TMEM115: variants seen among roughly 807,000 people sequenced by gnomAD.
The protein encoded by TMEM115 is PP6.
TMEM115 carries 8 observed loss-of-function variants against 20.1 expected under a neutral mutation model. That is an observed-to-expected ratio of 0.40 (90% confidence interval 0.23 to 0.72). The LOEUF (loss-of-function observed/expected upper bound fraction) is 0.72. Ranked by LOEUF, TMEM115 falls within the 30% of genes least tolerant of loss-of-function variation. The probability of loss-of-function intolerance (pLI) is 0.39; values close to 1 mark genes in which losing one functional copy is unlikely to be tolerated. For missense variants in TMEM115, 374 were observed against 455.1 expected (o/e 0.82, Z 1.62); for synonymous variants, 229 against 206.2 (o/e 1.11, Z -0.95).
At position 50,356,328 on chromosome 3, in the gene TMEM115, G is replaced by A. The variant is rs368389393; in HGVS notation, c.852-781C>T. 2.0e-5 allele frequency among the ~76,000 whole-genome samples: 3 copies of A among 149,264 alleles called. No individual in the cohort carries two copies. In the East Asian group the frequency reaches 5.8e-4, roughly 29 times the overall value. On this transcript the variant is annotated intron_variant, in intron 1 of 1. Transcript: ENST00000266025. ...AGAAGAAGGTTTACACATGTGCTTG[G>A]GACCCTGACCCACCAGAAGGTGGAG... is the stretch of plus-strand genomic sequence containing the variant.
intron 1 of TMEM115, among the ~76,000 whole-genome samples, chr3:50,356,279 T>C (rs1703868257): frequency 6.6e-6 from 1 of 152,204 alleles, no homozygotes; most frequent in Admixed American, 6.5e-5. Flanking sequence ...GGCCCCACTT[T>C]GAGGGCAGGT....
Position 50,358,346 on chromosome 3 carries a change from C to T in TMEM115, c.718G>A (p.Ala240Thr). 1 of 1,613,892 alleles carries T rather than the reference C, an allele frequency of 6.2e-7. No homozygotes were observed. The highest frequency in any genetic ancestry group is 8.5e-7 in the Non-Finnish European group (1 of 1,180,032). The part of the protein sequence containing the change: ...EILQPVVGLL[A>T]NLVHSLLVKV... The stretch of plus-strand genomic sequence containing the variant: ...ACCAGGAGGCTGTGCACCAAGTTCG[C>T]CAGCAAACCCACCACAGGCTGCAGG... Residue 240 changes from alanine (A) to threonine (T), a missense_variant, in exon 1 of 2, where the codon GCG becomes ACG. Physicochemically the swap from Ala to Thr is moderately conservative, Grantham distance 58 (BLOSUM62 0). Transcript: ENST00000266025.
chr3:50,358,817 C>T lies in TMEM115; in HGVS notation c.247G>A (p.Val83Met). The change falls in exon 1 of 2, where the codon GTG (valine) becomes ATG (methionine). Residue 83 changes from valine to methionine, a missense_variant. Coordinates refer to ENST00000266025, the MANE Select transcript of TMEM115 (RefSeq NM_007024.5). ...GGCTCCAGCAAACGCCCGGCCACCA[C>T]CACCGTTGTCAGGCTGATGGCCACG... ...WDVAISLTTV[V>M]VAGRLLEPLW... is the part of the protein sequence containing the mutation. 1.9e-6 allele frequency: 3 copies of T among 1,613,302 alleles called. No individual in the cohort carries two copies. The highest frequency in any genetic ancestry group is 2.2e-5 in the South Asian group (2 of 91,088).
Position 50,358,512 on chromosome 3 carries a change from C to A in TMEM115, c.552G>T (p.Thr184=). 6.2e-7 allele frequency: 1 copy of A among 1,609,666 alleles called. No homozygotes were observed. Among genetic ancestry groups the A allele is most frequent in the South Asian group, 1.1e-5 (1 of 90,962 alleles). ...LALLLLLRLA[T]LLQSPALASY... is the part of the protein sequence containing the mutation. Reference sequence around the variant, plus strand: ...AAGCCAGCGCCGGGCTCTGGAGCAGCGTGGCGAGCCGCAGCAGGAGCAGCA... The same window carrying A: ...AAGCCAGCGCCGGGCTCTGGAGCAGAGTGGCGAGCCGCAGCAGGAGCAGCA... The change falls in exon 1 of 2, where the codon ACG becomes ACT. Residue 184 remains threonine, a synonymous_variant. Transcript: ENST00000266025.
intron 1 of TMEM115, 142 bp downstream of exon 1, chr3:50,358,071 A>G (rs1431074866): frequency 4.1e-6 from 5 of 1,220,162 alleles, no homozygotes; most frequent in Non-Finnish European, 5.7e-6. Flanking sequence ...CCTTAAGGCC[A>G]AAGACTGATT....
At chr3:50,357,668 G>C (rs1308279117) in intron 1 of TMEM115, among the ~76,000 whole-genome samples, 4 of 152,338 alleles carry the variant, frequency 2.6e-5, no homozygotes, top group South Asian at 4.1e-4. Flanking sequence ...CCTGTCCCTG[G>C]TTTTGGTGAC....
rs1703845949 is a variant in TMEM115 at position 50,355,087 on chromosome 3, G to T, written c.*256C>A. On this transcript the variant is annotated 3_prime_UTR_variant, in exon 2 of 2. Transcript: ENST00000266025. ...AGCCACTTGCTTGGGGCTGCCAGCT[G>T]ATGTACATTCTTACCTCAGATGAGG... 1 of 368,200 alleles carries T rather than the reference G, an allele frequency of 2.7e-6. No individual in the cohort carries two copies. Among genetic ancestry groups the T allele is most frequent in the African/African-American group, 2.1e-5 (1 of 48,132 alleles). 22.8% of individuals were successfully genotyped at this position (368,200 alleles called of 1,614,324 possible).
intron 1 of TMEM115, among the ~76,000 whole-genome samples, chr3:50,356,957 C>A (rs1703886523): frequency 6.6e-6 from 1 of 152,198 alleles, no homozygotes; most frequent in Non-Finnish European, 1.5e-5. Flanking sequence ...AACATTCCAA[C>A]ACCTCTCAGT....
chr3:50,358,364 G>C lies in TMEM115; in HGVS notation c.700C>G (p.Pro234Ala). 6.2e-7 allele frequency: 1 copy of C among 1,613,910 alleles called. No homozygotes were observed. Among genetic ancestry groups the C allele is most frequent in the Non-Finnish European group, 8.5e-7 (1 of 1,180,034 alleles). Residue 234 changes from proline to alanine, a missense_variant, in exon 1 of 2, where the codon CCT becomes GCT. By Grantham distance (27) the Pro-to-Ala change is conservative. Transcript: ENST00000266025. ...AAGTTCGCCAGCAAACCCACCACAGGCTGCAGGATCTCAGGGAAGAAAGTG... is the reference window on the plus strand; with the variant it reads ...AAGTTCGCCAGCAAACCCACCACAGCCTGCAGGATCTCAGGGAAGAAAGTG... ...FATFFPEILQ[P>A]VVGLLANLVH... is the part of the protein sequence containing the mutation.
In TMEM115 at chr3:50,358,491, C is replaced by T. The variant is rs587720179; in HGVS notation, c.573G>A (p.Leu191=). Residue 191 remains leucine (L), a synonymous_variant, in exon 1 of 2, where the codon CTG becomes CTA. Transcript: ENST00000266025. ...AGAGCAGCCCGAAGCCATAGGAAGC[C>T]AGCGCCGGGCTCTGGAGCAGCGTGG... is the stretch of plus-strand genomic sequence containing the variant. ...RLATLLQSPA[L]ASYGFGLLSS... is the part of the protein sequence containing the mutation. The T allele has an allele frequency of 4.3e-6, 7 of 1,612,844 alleles. No homozygotes were observed. In the African/African-American group the frequency reaches 5.3e-5, roughly 12 times the overall value.
Position 50,358,380 on chromosome 3 carries a change from G to C in TMEM115, c.684C>G (p.Phe228Leu). 3 of 1,613,942 alleles carry C rather than the reference G, an allele frequency of 1.9e-6. No homozygotes were observed. Among genetic ancestry groups the C allele is most frequent in the Non-Finnish European group, 2.5e-6 (3 of 1,180,042 alleles). Reference sequence around the variant, plus strand: ...CCACCACAGGCTGCAGGATCTCAGGGAAGAAAGTGGCGAAAGCAAAGTGGT... The same window carrying C: ...CCACCACAGGCTGCAGGATCTCAGGCAAGAAAGTGGCGAAAGCAAAGTGGT... Reference protein sequence around the residue: ...MADHFAFATFFPEILQPVVGL... With the variant: ...MADHFAFATFLPEILQPVVGL... The change falls in exon 1 of 2, where the codon TTC (phenylalanine) becomes TTG (leucine). Residue 228 changes from phenylalanine (F) to leucine (L), a missense_variant. Transcript: ENST00000266025.
rs144851898 is a variant in TMEM115, at chr3:50,358,650, G to T, written c.414C>A (p.Ala138=). 4.5e-4 allele frequency: 732 copies of T among 1,613,198 alleles called. 3 individuals carry two copies. The African/African-American group carries it at 8.6e-3, about 19-fold the overall frequency. ...VYLFTVRIHG[A]LGFLGGVLVA... is the part of the protein sequence containing the mutation. ...CCAGGACGCCACCTAGGAAGCCCAA[G>T]GCGCCGTGGATACGGACAGTGAACA... The change falls in exon 1 of 2, where the codon GCC becomes GCA. Residue 138 remains alanine (A), a synonymous_variant. Transcript: ENST00000266025.
rs1703929093 is a variant in TMEM115, at chr3:50,359,388, C to T, written c.-325G>A. The T allele has an allele frequency of 3.2e-6, 1 of 312,148 alleles. No individual in the cohort carries two copies. The highest frequency in any genetic ancestry group is 6.0e-6 in the Non-Finnish European group (1 of 166,568). The allele number at this position is 312,148 out of a possible 1,614,324, so 19.3% of individuals were successfully genotyped here. On this transcript the variant is annotated 5_prime_UTR_variant, in exon 1 of 2. Transcript: ENST00000266025. ...ACCTCAGGGCTGGGCCTCCTCCATC[C>T]ACTGCGAGGCCCTTCGGTTCGCAAG...
At position 50,358,497 on chromosome 3, in the gene TMEM115, C is replaced by G. The variant is rs757975546; in HGVS notation, c.567G>C (p.Pro189=). 6 of 1,612,486 alleles carry G rather than the reference C, an allele frequency of 3.7e-6. No individual in the cohort carries two copies. In the South Asian group the frequency reaches 6.6e-5, roughly 18 times the overall value. Residue 189 remains proline, a synonymous_variant, in exon 1 of 2, where the codon CCG becomes CCC. Coordinates refer to ENST00000266025, the MANE Select transcript of TMEM115 (RefSeq NM_007024.5). The part of the protein sequence containing the change: ...LLRLATLLQS[P]ALASYGFGLL... Reference sequence around the variant, plus strand: ...GCCCGAAGCCATAGGAAGCCAGCGCCGGGCTCTGGAGCAGCGTGGCGAGCC... The same window carrying G: ...GCCCGAAGCCATAGGAAGCCAGCGCGGGGCTCTGGAGCAGCGTGGCGAGCC...
chr3:50,356,320 T>C lies in TMEM115; in HGVS notation c.852-773A>G, dbSNP rs587719112. ...AGTCCAACAGAAGAAGGTTTACACA[T>C]GTGCTTGGGACCCTGACCCACCAGA... On this transcript the variant is annotated intron_variant, in intron 1 of 1. Transcript: ENST00000266025. 4.0e-5 allele frequency among the ~76,000 whole-genome samples: 6 copies of C among 149,368 alleles called. No individual in the cohort carries two copies. In the South Asian group the frequency reaches 1.0e-3, roughly 26 times the overall value.
Position 50,355,262 on chromosome 3 carries a change from G to T in TMEM115, c.*81C>A. On this transcript the variant is annotated 3_prime_UTR_variant, in exon 2 of 2. Coordinates refer to ENST00000266025, the MANE Select transcript of TMEM115 (RefSeq NM_007024.5). ...GCAGGCCTTCTTCCCTCTCCTCAGAGCAGTCAGGTGCCCTGGAGTAGCTGA... is the reference window on the plus strand; with the variant it reads ...GCAGGCCTTCTTCCCTCTCCTCAGATCAGTCAGGTGCCCTGGAGTAGCTGA... The T allele has an allele frequency of 9.0e-7, 1 of 1,114,752 alleles. No homozygotes were observed. Among genetic ancestry groups the T allele is most frequent in the Non-Finnish European group, 1.3e-6 (1 of 795,902 alleles). 69.1% of individuals were successfully genotyped at this position (1,114,752 alleles called of 1,614,324 possible). A position where few individuals can be genotyped will look rare whatever the true frequency, so the allele number is the denominator to read the frequency against.
rs956325808 is a variant in TMEM115, at chr3:50,359,498, C to G, written c.-435G>C. On this transcript the variant is annotated 5_prime_UTR_variant, in exon 1 of 2. Coordinates refer to ENST00000266025, the MANE Select transcript of TMEM115 (RefSeq NM_007024.5). Reference sequence around the variant, plus strand: ...TCCTGGCTTCGACCGTACCTCTTCTCTCGGGGGGCCGACAAACAGGGGTGC... The same window carrying G: ...TCCTGGCTTCGACCGTACCTCTTCTGTCGGGGGGCCGACAAACAGGGGTGC... 2 of 160,856 alleles carry G rather than the reference C, an allele frequency of 1.2e-5. No individual in the cohort carries two copies. Among genetic ancestry groups the G allele is most frequent in the East Asian group, 1.8e-4 (1 of 5,462 alleles). The allele number at this position is 160,856 out of a possible 1,614,324, so 10.0% of individuals were successfully genotyped here.
In TMEM115 at chr3:50,359,018, G is replaced by C. The variant is rs768325725; in HGVS notation, c.46C>G (p.Leu16Val). Residue 16 changes from leucine (L) to valine (V), a missense_variant, in exon 1 of 2, where the codon CTG (leucine) becomes GTG (valine). Physicochemically the swap from Leu to Val is conservative, Grantham distance 32. Coordinates refer to ENST00000266025, the MANE Select transcript of TMEM115 (RefSeq NM_007024.5). The stretch of plus-strand genomic sequence containing the variant: ...TTCACCACCACGCTGGCGCTGGCCA[G>C]AATGGCCCCCAAGTGCTGGCGGGCG... ...PGARQHLGAI[L>V]ASASVVVKAL... 2.6e-6 allele frequency: 4 copies of C among 1,566,944 alleles called. No homozygotes were observed. The South Asian group carries it at 4.6e-5, about 18-fold the overall frequency.
In TMEM115 at chr3:50,359,143, A is replaced by G; in HGVS notation, c.-80T>C. 7.4e-7 allele frequency: 1 copy of G among 1,347,494 alleles called. No individual in the cohort carries two copies. Among genetic ancestry groups the G allele is most frequent in the Non-Finnish European group, 9.7e-7 (1 of 1,032,944 alleles). The allele number at this position is 1,347,494 out of a possible 1,614,324, so 83.5% of individuals were successfully genotyped here. On this transcript the variant is annotated 5_prime_UTR_variant, in exon 1 of 2. Transcript: ENST00000266025. ...GGGGCCTCGTCCTAGTCCGGCCCCG[A>G]TGGGAGGCCCAGGCCCGGCCTAGTC...
Sources: allele counts gnomAD v4.1 joint callset (sites outside exome capture counted in the v4.1 genomes callset), GRCh38; gene constraint gnomAD v4.1.1; transcripts MANE v1.5; gene names NCBI Gene and HGNC (gene_info 2026-07-23, HGNC 2026-07-21).